The following ZNF404 variants were observed in gnomAD, a reference collection of about 807,000 sequenced individuals.
ZNF404 encodes zinc finger protein 404.
In ZNF404, 7 loss-of-function variants were observed where a neutral mutation model predicts 7.3. That is an observed-to-expected ratio of 0.95 (90% CI 0.54 to 1.79). The LOEUF is 1.79. Ranked by LOEUF, ZNF404 falls within the 40% of genes most tolerant of loss-of-function variation. The pLI is 0.00. For missense variants in ZNF404, 560 were observed against 661.5 expected (o/e 0.85, Z 1.68); for synonymous variants, 191 against 209.9 (o/e 0.91, Z 0.78).
intron 2 of ZNF404, among the ~76,000 whole-genome samples, chr19:43,874,717 AT>A (rs1188621836): frequency 6.6e-6 from 1 of 152,104 alleles, no homozygotes; most frequent in Non-Finnish European, 1.5e-5. Context: ...GTAAATTCAT[AT>A]TTTTAAGTCT....
Position 43,872,784 on chromosome 19 carries a change from C to T in ZNF404, c.1430G>A (p.Arg477His), listed in dbSNP as rs183038552. 7.2e-4 allele frequency: 1,154 copies of T among 1,611,240 alleles called. 1 individual carries two copies. Among genetic ancestry groups the T allele is most frequent in the Non-Finnish European group, 9.1e-4 (1,072 of 1,178,352 alleles). ...ATGTTGAGAAAGACCTGAGATAGAA[C>T]GAAAGGCCTTCTTACATTCTTTACA... The part of the protein sequence containing the change: ...YVCKECKKAF[R>H]SISGLSQHKR... The change falls in exon 3 of 3, where the codon CGT becomes CAT. Residue 477 changes from arginine to histidine, a missense_variant. Physicochemically the swap from Arg to His is conservative, Grantham distance 29 (BLOSUM62 0). Transcript: ENST00000587539. The surrounding 1 kb of genome is among the most constrained non-coding windows in gnomAD (Gnocchi z 4.4).
Position 43,878,914 on chromosome 19 carries a change from C to A in ZNF404, c.136+1096G>T, listed in dbSNP as rs12460846. 6.5e-3 allele frequency among the ~76,000 whole-genome samples: 984 copies of A among 152,238 alleles called. 37 individuals carry two copies. Among genetic ancestry groups the A allele is most frequent in the Admixed American group, 0.056 (862 of 15,274 alleles). ...AGACTAACAGAGGAAAACATAAATA[C>A]CCTCTGGTGGAAGATAGCATCATCT... On this transcript the variant is annotated intron_variant, in intron 2 of 2. Transcript: ENST00000587539.
rs1427385850 is a variant in ZNF404 at position 43,876,202 on chromosome 19, T to A, written c.137-2125A>T. ...GGTGGCACACACCTATAGTCCTAGC[T>A]CCTTGGGAAGCTGAGGCACAAGAAT... On this transcript the variant is annotated intron_variant, in intron 2 of 2. Coordinates refer to ENST00000587539, the MANE Select transcript of ZNF404 (RefSeq NM_001033719.3). 4.6e-5 allele frequency among the ~76,000 whole-genome samples: 7 copies of A among 152,096 alleles called. 2 individuals are homozygous for A. The highest frequency in any genetic ancestry group is 3.9e-4 in the Admixed American group (6 of 15,270).
In ZNF404 at chr19:43,872,425, G is replaced by A. The variant is rs1971816999; in HGVS notation, c.*130C>T. On this transcript the variant is annotated 3_prime_UTR_variant, in exon 3 of 3. Coordinates refer to ENST00000587539, the MANE Select transcript of ZNF404 (RefSeq NM_001033719.3). This position sits in a 1 kb window ranked among gnomAD's most constrained non-coding sequence, Gnocchi z 4.4. Reference sequence around the variant, plus strand: ...AATTATCATAAAAATAATGTATTTAGTAAGCAAATACGATGTGCCAGATGC... The same window carrying A: ...AATTATCATAAAAATAATGTATTTAATAAGCAAATACGATGTGCCAGATGC... The A allele has an allele frequency of 1.6e-6, 1 of 618,272 alleles. No homozygotes were observed. The highest frequency in any genetic ancestry group is 2.6e-6 in the Non-Finnish European group (1 of 389,764). The allele number at this position is 618,272 out of a possible 1,614,324, so 38.3% of individuals were successfully genotyped here. A position where few individuals can be genotyped will look rare whatever the true frequency, so the allele number is the denominator to read the frequency against.
At chr19:43,879,596 T>C (rs1368237428) in intron 2 of ZNF404, among the ~76,000 whole-genome samples, 1 of 152,248 alleles carries the variant, frequency 6.6e-6, no homozygotes, top group Admixed American at 6.5e-5. Flanking sequence ...ATAAAAATTA[T>C]GGAGGCTCTT....
chr19:43,882,634 A>G (rs951105917), intron 1 of ZNF404, among the ~76,000 whole-genome samples: 2 of 152,046 alleles, frequency 1.3e-5, no homozygotes, highest in Non-Finnish European at 2.9e-5. Context: ...AGTTAAAAGA[A>G]TGAAAAAATG....
intron 2 of ZNF404, among the ~76,000 whole-genome samples, chr19:43,877,452 G>A (rs566642093): frequency 1.6e-4 from 24 of 152,192 alleles, no homozygotes; most frequent in African/African-American, 5.3e-4. Flanking sequence ...GATACAAGGC[G>A]AATCTGGAAC....
Position 43,872,628 on chromosome 19 carries a change from C to T in ZNF404, c.1586G>A (p.Gly529Asp). ...GVKPQKCKEC[G>D]KAFSHCYQLS... The stretch of plus-strand genomic sequence containing the variant: ...TTGATAGCAATGACTAAAGGCCTTA[C>T]CACATTCTTTGCATTTCTGTGGTTT... The change falls in exon 3 of 3, where the codon GGT becomes GAT. Residue 529 changes from glycine to aspartate, a missense_variant. Gly to Asp is a moderately conservative substitution (Grantham distance 94). Coordinates refer to ENST00000587539, the MANE Select transcript of ZNF404 (RefSeq NM_001033719.3). This position sits in a 1 kb window ranked among gnomAD's most constrained non-coding sequence, Gnocchi z 4.4. 7 of 1,612,364 alleles carry T rather than the reference C, an allele frequency of 4.3e-6. No homozygotes were observed. Among genetic ancestry groups the T allele is most frequent in the Non-Finnish European group, 4.2e-6 (5 of 1,179,124 alleles).
At chr19:43,881,428 A>C (rs994077941) in intron 1 of ZNF404, among the ~76,000 whole-genome samples, 1 of 152,234 alleles carries the variant, frequency 6.6e-6, no homozygotes, top group African/African-American at 2.4e-5. Flanking sequence ...TGGCATTTTA[A>C]TTAGCAACAA....
intron 1 of ZNF404, 122 bp downstream of exon 1, chr19:43,883,834 T>C (rs1225977758): frequency 9.9e-7 from 1 of 1,008,288 alleles, no homozygotes; most frequent in East Asian, 2.6e-5. Flanking sequence ...ATGGGAGGAA[T>C]GTGAAATAGG....
chr19:43,883,739 C>T (rs920009154), intron 1 of ZNF404, among the ~76,000 whole-genome samples: 5 of 152,024 alleles, frequency 3.3e-5, no homozygotes, highest in African/African-American at 9.7e-5. Context: ...ACTGAACACA[C>T]AGAAGATGGA....
chr19:43,876,007 T>C (rs1184915141), intron 2 of ZNF404, among the ~76,000 whole-genome samples: 1 of 152,142 alleles, frequency 6.6e-6, no homozygotes, highest in Non-Finnish European at 1.5e-5. Context: ...TTAAAATGAA[T>C]AAATGAAGCA....
intron 2 of ZNF404, among the ~76,000 whole-genome samples, chr19:43,879,500 T>A (rs1283995575): frequency 6.6e-6 from 1 of 152,086 alleles, no homozygotes; most frequent in Non-Finnish European, 1.5e-5. Context: ...ATGGAATCTA[T>A]CAGATCACTG....
At position 43,873,851 on chromosome 19, in the gene ZNF404, A is replaced by G; in HGVS notation, c.363T>C (p.His121=). The part of the protein sequence containing the change: ...IFKKHKSLPL[H]KRNNTREKSY... ...ATTTCTCTCTTGTGTTATTTCTCTT[A>G]TGTAGAGGAAGGGATTTATGTTTTT... Residue 121 remains histidine, a synonymous_variant, in exon 3 of 3, where the codon CAT becomes CAC. Transcript: ENST00000587539. 1 of 1,611,722 alleles carries G rather than the reference A, an allele frequency of 6.2e-7. No individual in the cohort carries two copies. The highest frequency in any genetic ancestry group is 8.5e-7 in the Non-Finnish European group (1 of 1,179,448).
chr19:43,875,845 A>C (rs1971847238), intron 2 of ZNF404, among the ~76,000 whole-genome samples: 1 of 152,208 alleles, frequency 6.6e-6, no homozygotes, highest in South Asian at 2.1e-4. Flanking sequence ...AACTACTCTT[A>C]GGTCAAAGAC....
At position 43,872,927 on chromosome 19, in the gene ZNF404, ATG is replaced by A. The variant is rs772186272; in HGVS notation, c.1285_1286del (p.His429SerfsTer11). On this transcript the variant is annotated frameshift_variant, in exon 3 of 3. Coordinates refer to ENST00000587539, the MANE Select transcript of ZNF404 (RefSeq NM_001033719.3). LOFTEE classifies it low-confidence loss of function (END_TRUNC). The surrounding 1 kb of genome is among the most constrained non-coding windows in gnomAD (Gnocchi z 4.4). ...AFSRVGDLKT[H>X]QSIHAGEKPY... The stretch of plus-strand genomic sequence containing the variant: ...GTTTCTCCCCAGCATGAATTGATTG[ATG>A]TGTCTTAAGGTCTCCAACACGACTG... The A allele has an allele frequency of 8.1e-6, 13 of 1,608,002 alleles. No homozygotes were observed. The South Asian group carries it at 1.0e-4, about 12-fold the overall frequency.
chr19:43,882,268 T>TA (rs1332818080), intron 1 of ZNF404, among the ~76,000 whole-genome samples: 1 of 152,092 alleles, frequency 6.6e-6, no homozygotes. Context: ...GACCGTCTTT[T>TA]AAAAAAATGG....
chr19:43,872,771 A>C lies in ZNF404; in HGVS notation c.1443T>G (p.Gly481=). 3 of 1,612,076 alleles carry C rather than the reference A, an allele frequency of 1.9e-6. No individual in the cohort carries two copies. Among genetic ancestry groups the C allele is most frequent in the Non-Finnish European group, 2.5e-6 (3 of 1,178,906 alleles). ...TATGAATTCTCTTATGTTGAGAAAG[A>C]CCTGAGATAGAACGAAAGGCCTTCT... ...ECKKAFRSIS[G]LSQHKRIHTG... The change falls in exon 3 of 3, where the codon GGT becomes GGG. Residue 481 remains glycine, a synonymous_variant. Transcript: ENST00000587539. This position sits in a 1 kb window ranked among gnomAD's most constrained non-coding sequence, Gnocchi z 4.4.
At chr19:43,874,656 C>G (rs1372233084) in intron 2 of ZNF404, among the ~76,000 whole-genome samples, 1 of 152,134 alleles carries the variant, frequency 6.6e-6, no homozygotes, top group African/African-American at 2.4e-5. Context: ...AGATGTTCCA[C>G]CTTTCAGAAA....
Sources: allele counts gnomAD v4.1 joint callset (sites outside exome capture counted in the v4.1 genomes callset), GRCh38; gene constraint gnomAD v4.1.1; non-coding constraint Gnocchi (gnomAD v3.1); transcripts MANE v1.5; gene names NCBI Gene and HGNC (gene_info 2026-07-23, HGNC 2026-07-21).